KIF13B: variants seen among roughly 807,000 people sequenced by gnomAD.
KIF13B encodes the protein kinesin family member 13B, also known as kinesin-like protein KIF13B.
A neutral mutation model predicts 222.0 loss-of-function variants in KIF13B; 127 were observed. The ratio of observed to expected loss-of-function variants is 0.57; its 90% CI spans 0.50 to 0.66. The LOEUF (loss-of-function observed/expected upper bound fraction) is 0.66. Among genes scored for constraint, KIF13B ranks in the 30% least tolerant of loss-of-function variants. The pLI, the probability that KIF13B is intolerant of heterozygous loss-of-function variation, is 0.00. For missense variants in KIF13B, 2,173 were observed against 2,379.0 expected (o/e 0.91, Z 1.80); for synonymous variants, 976 against 919.0 (o/e 1.06, Z -1.12).
intron 36 of KIF13B, among the ~76,000 whole-genome samples, chr8:29,095,770 AAAAACAAAAC>A (rs552018354): frequency 1.0e-3 from 157 of 152,328 alleles, no homozygotes; most frequent in African/African-American, 3.7e-3. Flanking sequence ...TTCATCTCAA[AAAAACAAAAC>A]AAAACAAAAC....
rs1812931298 is a variant in KIF13B at position 29,186,420 on chromosome 8, G to A, written c.369C>T (p.Ile123=). Residue 123 remains isoleucine, a synonymous_variant, in exon 6 of 40, where the codon ATC becomes ATT. Transcript: ENST00000524189. The stretch of plus-strand genomic sequence containing the variant: ...CAAAGAGTCCACTGCAAAGTCTTGG[G>A]ATTAATCCAGGTTGGTCAGCTGTGC... ...MMGTADQPGL[I]PRLCSGLFER... is the part of the protein sequence containing the mutation. The A allele has an allele frequency of 6.2e-7, 1 of 1,613,724 alleles. No individual in the cohort carries two copies. The highest frequency in any genetic ancestry group is 1.7e-5 in the Admixed American group (1 of 59,974).
chr8:29,134,305 G>C, intron 21 of KIF13B, 95 bp from the exon 22 acceptor site: 2 of 1,167,392 alleles, frequency 1.7e-6, no homozygotes, highest in Non-Finnish European at 2.5e-6. Context: ...CACTAACTTA[G>C]GTGCTTATGA....
chr8:29,242,877 G>A (rs1225309007), intron 2 of KIF13B, among the ~76,000 whole-genome samples: 3 of 152,160 alleles, frequency 2.0e-5, no homozygotes, highest in African/African-American at 4.8e-5. Context: ...TAAAATCAGA[G>A]GTCCTGCCTG....
At chr8:29,103,221 G>A (rs772012957) in intron 35 of KIF13B, among the ~76,000 whole-genome samples, 3 of 135,342 alleles carry the variant, frequency 2.2e-5, no homozygotes, top group East Asian at 2.2e-4. Context: ...CGGCCTGGGC[G>A]AAAGAGTGAG....
intron 17 of KIF13B, among the ~76,000 whole-genome samples, chr8:29,146,989 A>G (rs1227361748): frequency 6.6e-6 from 1 of 152,262 alleles, no homozygotes; most frequent in African/African-American, 2.4e-5. Flanking sequence ...ATTAGCCCAT[A>G]CAGAGATCAA....
rs1256284956 is a variant in KIF13B, at chr8:29,224,007, C to CT, written c.149+21338dup. On this transcript the variant is annotated intron_variant, in intron 2 of 39. Coordinates refer to ENST00000524189, the MANE Select transcript of KIF13B (RefSeq NM_015254.4). Reference sequence around the variant, plus strand: ...CGCCCAGCCTACCAATTTTTTTTTTCTTTTTTTTTGAGACAGAGTCTCTCT... The same window carrying CT: ...CGCCCAGCCTACCAATTTTTTTTTTCTTTTTTTTTTGAGACAGAGTCTCTCT... Among the ~76,000 whole-genome samples the CT allele has an allele frequency of 4.8e-3, 666 of 137,532 alleles. 5 individuals are homozygous for CT. Among genetic ancestry groups the CT allele is most frequent in the African/African-American group, 0.017 (619 of 36,698 alleles). 90.2% of individuals were successfully genotyped at this position (137,532 alleles called of 152,430 possible). A position where few individuals can be genotyped will look rare whatever the true frequency, so the allele number is the denominator to read the frequency against.
chr8:29,083,679 A>T (rs1398342675), intron 37 of KIF13B, among the ~76,000 whole-genome samples: 1 of 152,202 alleles, frequency 6.6e-6, no homozygotes, highest in Non-Finnish European at 1.5e-5. Context: ...GAGTCTTTTA[A>T]CAATGACAGG....
chr8:29,113,050 A>G (rs1286253537), intron 32 of KIF13B, among the ~76,000 whole-genome samples: 2 of 152,150 alleles, frequency 1.3e-5, no homozygotes, highest in East Asian at 3.8e-4. Context: ...GATATTACTA[A>G]CCCCATTTGA....
intron 1 of KIF13B, among the ~76,000 whole-genome samples, chr8:29,256,096 C>T (rs893150100): frequency 2.5e-4 from 38 of 152,220 alleles, no homozygotes; most frequent in African/African-American, 8.7e-4. Flanking sequence ...CTCAATTGTG[C>T]TGAGTTGCTT....
rs113416377 is a variant in KIF13B at position 29,233,604 on chromosome 8, A to G, written c.149+11742T>C. On this transcript the variant is annotated intron_variant, in intron 2 of 39. Coordinates refer to ENST00000524189, the MANE Select transcript of KIF13B (RefSeq NM_015254.4). Reference sequence around the variant, plus strand: ...TTTTTTGGTATCAAAACCCCTTTACACTCTTAAATATTAGTGAGGGCAATA... The same window carrying G: ...TTTTTTGGTATCAAAACCCCTTTACGCTCTTAAATATTAGTGAGGGCAATA... Among the ~76,000 whole-genome samples the G allele has an allele frequency of 3.3e-3, 500 of 152,242 alleles. 4 individuals are homozygous for G. The highest frequency in any genetic ancestry group is 0.011 in the African/African-American group (464 of 41,546).
At position 29,090,256 on chromosome 8, in the gene KIF13B, T is replaced by C. The variant is rs1037982631; in HGVS notation, c.4458+2489A>G. The stretch of plus-strand genomic sequence containing the variant: ...CCTTTCAGTGGGAGACACTGGAAGG[T>C]GTCACACCACTGACGACTGTGAGGC... On this transcript the variant is annotated intron_variant, in intron 37 of 39. Coordinates refer to ENST00000524189, the MANE Select transcript of KIF13B (RefSeq NM_015254.4). Among the ~76,000 whole-genome samples the C allele has an allele frequency of 2.6e-5, 4 of 152,234 alleles. 1 individual carries two copies. Among genetic ancestry groups the C allele is most frequent in the African/African-American group, 2.4e-5 (1 of 41,558 alleles).
intron 1 of KIF13B, among the ~76,000 whole-genome samples, chr8:29,250,459 C>G (rs1398771149): frequency 6.6e-6 from 1 of 152,130 alleles, no homozygotes; most frequent in African/African-American, 2.4e-5. Flanking sequence ...ATTAAGGGAC[C>G]AATCCCTAGA....
At chr8:29,236,578 T>C (rs1467463607) in intron 2 of KIF13B, among the ~76,000 whole-genome samples, 1 of 152,238 alleles carries the variant, frequency 6.6e-6, no homozygotes, top group Non-Finnish European at 1.5e-5. Context: ...TACTGACTTG[T>C]ATATACAGGT....
intron 36 of KIF13B, among the ~76,000 whole-genome samples, chr8:29,096,473 A>AT (rs960578070): frequency 2.0e-5 from 3 of 148,972 alleles, no homozygotes; most frequent in African/African-American, 7.4e-5. Flanking sequence ...TGATTTTTGT[A>AT]TTTTTTTGTG....
chr8:29,176,149 T>C lies in KIF13B; in HGVS notation c.864A>G (p.Ser288=), dbSNP rs776789321. The change falls in exon 10 of 40, where the codon TCA becomes TCG. Residue 288 remains serine, a synonymous_variant. Transcript: ENST00000524189. ...KSLTTLGLVI[S]ALADQSAGKN... ...TGCCAGCACTCTGATCTGCAAGAGC[T>C]GAGATAACCAGACCGAGGGTTGTGA... is the stretch of plus-strand genomic sequence containing the variant. 1.4e-5 allele frequency: 22 copies of C among 1,613,198 alleles called. No individual in the cohort carries two copies. The highest frequency in any genetic ancestry group is 1.9e-5 in the Non-Finnish European group (22 of 1,179,246).
At chr8:29,240,991 CCACA>C (rs1815752511) in intron 2 of KIF13B, among the ~76,000 whole-genome samples, 1 of 152,108 alleles carries the variant, frequency 6.6e-6, no homozygotes, top group Admixed American at 6.5e-5. Context: ...AAACGGACGT[CCACA>C]CAAAGACTTG....
At chr8:29,154,044 G>A (rs901924455) in intron 14 of KIF13B, among the ~76,000 whole-genome samples, 1 of 152,194 alleles carries the variant, frequency 6.6e-6, no homozygotes, top group Admixed American at 6.6e-5. Context: ...AGGCACAGTA[G>A]TTTATGCCTG....
rs575297671 is a variant in KIF13B at position 29,245,483 on chromosome 8, T to G, written c.56-44A>C. 5.4e-5 allele frequency: 77 copies of G among 1,424,732 alleles called. 2 individuals carry two copies. In the South Asian group the frequency reaches 9.5e-4, roughly 18 times the overall value. 88.3% of individuals were successfully genotyped at this position (1,424,732 alleles called of 1,614,324 possible). ...GAAAAACAGTCATTTTAAAAAGTAATTTATTTCAGAAAAGGCAAAATTCAG... is the reference window on the plus strand; with the variant it reads ...GAAAAACAGTCATTTTAAAAAGTAAGTTATTTCAGAAAAGGCAAAATTCAG... On this transcript the variant is annotated intron_variant, in intron 1 of 39. Transcript: ENST00000524189.
chr8:29,211,638 C>T lies in KIF13B; in HGVS notation c.150-15439G>A, dbSNP rs142288196. ...ATGCAGGAGGTGAGACTCCAAGCAG[C>T]CAGAAAAATCACCAGGAAACAACTA... On this transcript the variant is annotated intron_variant, in intron 2 of 39. Transcript: ENST00000524189. Among the ~76,000 whole-genome samples, 799 of 152,268 alleles carry T rather than the reference C, an allele frequency of 5.2e-3. 8 individuals are homozygous for T. The highest frequency in any genetic ancestry group is 0.018 in the African/African-American group (761 of 41,554).
Sources: allele counts gnomAD v4.1 joint callset (sites outside exome capture counted in the v4.1 genomes callset), GRCh38; gene constraint gnomAD v4.1.1; transcripts MANE v1.5; gene names NCBI Gene and HGNC (gene_info 2026-07-23, HGNC 2026-07-21).